NRXN1: variants seen among roughly 807,000 people sequenced by gnomAD.
NRXN1 encodes neurexin 1.
NRXN1 carries 39 observed loss-of-function variants against 150.9 expected under a neutral mutation model. The ratio of observed to expected loss-of-function variants is 0.26; its 90% CI spans 0.20 to 0.34. The LOEUF (loss-of-function observed/expected upper bound fraction) is 0.34, where lower values mean the gene tolerates loss of function less well. Among genes scored for constraint, NRXN1 ranks in the 10% least tolerant of loss-of-function variants. The pLI, the probability that NRXN1 is intolerant of heterozygous loss-of-function variation, is 1.00. For synonymous variants in NRXN1, 924 were observed against 757.0 expected (o/e 1.22, Z -3.62); for missense variants, 1,815 against 1,949.9 (o/e 0.93, Z 1.30).
intron 17 of NRXN1, among the ~76,000 whole-genome samples, chr2:50,407,686 C>T (rs2082852812): frequency 6.6e-6 from 1 of 152,026 alleles, no homozygotes; most frequent in Admixed American, 6.6e-5. Flanking sequence ...CTAGCACACC[C>T]AGCCCTCTCA....
At chr2:50,050,393 CAT>C in intron 21 of NRXN1, among the ~76,000 whole-genome samples, 1 of 152,010 alleles carries the variant, frequency 6.6e-6, no homozygotes. Context: ...AGTTTTAAAA[CAT>C]GCAATCACCC....
chr2:50,982,647 G>A (rs905747234), intron 2 of NRXN1, among the ~76,000 whole-genome samples: 1 of 152,032 alleles, frequency 6.6e-6, no homozygotes, highest in Non-Finnish European at 1.5e-5. Flanking sequence ...ATTTGGCATA[G>A]CACCTAAGTT....
chr2:50,836,690 T>C (rs1438739662), intron 5 of NRXN1, among the ~76,000 whole-genome samples: 1 of 152,110 alleles, frequency 6.6e-6, no homozygotes, highest in Admixed American at 6.6e-5. Context: ...ATTATGCATA[T>C]ATACCACATT....
intron 5 of NRXN1, among the ~76,000 whole-genome samples, chr2:50,869,361 C>T (rs575895960): frequency 8.0e-4 from 122 of 151,664 alleles, no homozygotes; most frequent in Non-Finnish European, 9.3e-4. Flanking sequence ...ATTACTATTG[C>T]TGCTACTACT....
At chr2:50,720,534 C>T (rs763446049) in intron 5 of NRXN1, among the ~76,000 whole-genome samples, 1 of 152,172 alleles carries the variant, frequency 6.6e-6, no homozygotes, top group Non-Finnish European at 1.5e-5. Flanking sequence ...GTGCCTGAAA[C>T]AGGTATTTGC....
At chr2:50,238,295 ATTG>A (rs893287552) in intron 17 of NRXN1, among the ~76,000 whole-genome samples, 6 of 152,070 alleles carry the variant, frequency 3.9e-5, no homozygotes, top group African/African-American at 1.4e-4. Flanking sequence ...AAAATGGGAC[ATTG>A]TTGTTTTCCT....
At chr2:50,150,144 G>A (rs1040077204) in intron 18 of NRXN1, among the ~76,000 whole-genome samples, 2 of 151,650 alleles carry the variant, frequency 1.3e-5, no homozygotes, top group African/African-American at 4.8e-5. Flanking sequence ...TGATCACTTT[G>A]AGGAGATCTA....
intron 17 of NRXN1, among the ~76,000 whole-genome samples, chr2:50,412,763 C>A (rs2083281099): frequency 6.6e-6 from 1 of 151,722 alleles, no homozygotes; most frequent in Non-Finnish European, 1.5e-5. Flanking sequence ...ACAGACATAC[C>A]TTTTTTCCAC....
intron 18 of NRXN1, among the ~76,000 whole-genome samples, chr2:50,208,264 T>G (rs2152841005): frequency 6.6e-6 from 1 of 152,182 alleles, no homozygotes; most frequent in East Asian, 1.9e-4. Context: ...CACAATGAAC[T>G]CATGCCCAGC....
At chr2:50,577,726 AC>A (rs1671651642) in intron 8 of NRXN1, among the ~76,000 whole-genome samples, 1 of 151,968 alleles carries the variant, frequency 6.6e-6, no homozygotes, top group Non-Finnish European at 1.5e-5. Flanking sequence ...ACACACACAC[AC>A]ACACACACAC....
chr2:50,435,793 G>A lies in NRXN1; in HGVS notation c.3364+29649C>T, dbSNP rs557707813. Among the ~76,000 whole-genome samples the A allele has an allele frequency of 3.9e-5, 6 of 152,138 alleles. No individual in the cohort carries two copies. The East Asian group carries it at 1.2e-3, about 30-fold the overall frequency. On this transcript the variant is annotated intron_variant, in intron 17 of 22. Coordinates refer to ENST00000401669, the MANE Select transcript of NRXN1 (RefSeq NM_001330078.2). ...CAAAGAAGGGAACGACAGACACTGGGGCCTTCTTGAGGGTGGAGGGAAGGA... is the reference window on the plus strand; with the variant it reads ...CAAAGAAGGGAACGACAGACACTGGAGCCTTCTTGAGGGTGGAGGGAAGGA...
intron 8 of NRXN1, among the ~76,000 whole-genome samples, chr2:50,558,864 CAGG>C (rs1035832932): frequency 2.0e-5 from 3 of 152,030 alleles, no homozygotes; most frequent in African/African-American, 7.2e-5. Flanking sequence ...ATCACGAGGT[CAGG>C]AGATCGAGAT....
chr2:50,629,658 A>G (rs1391989650), intron 5 of NRXN1, among the ~76,000 whole-genome samples: 1 of 151,730 alleles, frequency 6.6e-6, no homozygotes, highest in Admixed American at 6.6e-5. Context: ...GCATAAAATG[A>G]ATTTGTCTGA....
intron 8 of NRXN1, among the ~76,000 whole-genome samples, chr2:50,555,512 T>TA (rs760750793): frequency 3.6e-4 from 54 of 151,922 alleles, no homozygotes; most frequent in Admixed American, 6.6e-4. Context: ...GCATCTCTCA[T>TA]AAAAAAAAGT....
At chr2:50,541,032 C>T (rs925620721) in intron 9 of NRXN1, among the ~76,000 whole-genome samples, 2 of 152,022 alleles carry the variant, frequency 1.3e-5, no homozygotes, top group African/African-American at 2.4e-5. Flanking sequence ...ATAAGGCCTC[C>T]TAAAAGCCGT....
At chr2:50,890,775 C>T (rs1057026977) in intron 5 of NRXN1, among the ~76,000 whole-genome samples, 4 of 151,842 alleles carry the variant, frequency 2.6e-5, no homozygotes, top group African/African-American at 9.7e-5. Context: ...ACCTTACCAG[C>T]TCATAATTAC....
intron 19 of NRXN1, among the ~76,000 whole-genome samples, chr2:50,089,900 T>C (rs1052668759): frequency 6.6e-6 from 1 of 152,210 alleles, no homozygotes; most frequent in Admixed American, 6.5e-5. Flanking sequence ...TAACATTGCA[T>C]GCATATTAAG....
intron 5 of NRXN1, among the ~76,000 whole-genome samples, chr2:50,829,999 G>GAAAAAAAAAAAAAAAAAAAAAAA (rs572758147): frequency 1.7e-5 from 1 of 58,178 alleles, no homozygotes; most frequent in Non-Finnish European, 2.6e-5. Context: ...CTGCCTGCTG[G>GAAAAAAAAAAAAAAAAAAAAAAA]AAAAAAAAAA....
chr2:50,883,315 C>T (rs1479554846), intron 5 of NRXN1, among the ~76,000 whole-genome samples: 1 of 151,658 alleles, frequency 6.6e-6, no homozygotes, highest in Non-Finnish European at 1.5e-5. Flanking sequence ...TAGGTTTATC[C>T]AGAGTTTGGT....
Sources: gnomAD v4.1 joint callset for allele counts (sites outside exome capture counted in the v4.1 genomes callset) on GRCh38, gnomAD v4.1.1 for gene constraint, MANE v1.5 for transcripts, NCBI Gene and HGNC (gene_info 2026-07-23, HGNC 2026-07-21) for gene names.